STIP1: variants seen among roughly 807,000 people sequenced by gnomAD.
STIP1 encodes the protein stress induced phosphoprotein 1.
In STIP1, 16 loss-of-function variants were observed where a neutral mutation model predicts 77.4. The ratio of observed to expected loss-of-function variants is 0.21; its 90% CI spans 0.14 to 0.31. The LOEUF (loss-of-function observed/expected upper bound fraction) is 0.31, where lower values mean the gene tolerates loss of function less well. STIP1 is among the 10% of genes least tolerant of loss of function. The probability of loss-of-function intolerance (pLI) is 1.00; values close to 1 mark genes in which losing one functional copy is unlikely to be tolerated. For synonymous variants in STIP1, 258 were observed against 246.6 expected (o/e 1.05, Z -0.44); for missense variants, 524 against 684.8 (o/e 0.77, Z 2.62).
At chr11:64,198,063 T>TA in intron 8 of STIP1, 89 bp downstream of exon 8, 2 of 503,508 alleles carry the variant, frequency 4.0e-6, no homozygotes, top group South Asian at 1.2e-4. Flanking sequence ...TGAACTTGAC[T>TA]TTTTTTTTTT....
rs1347518346 is a variant in STIP1 at position 64,197,486 on chromosome 11, C to T, written c.800-7C>T. On this transcript the variant is annotated splice_region_variant and splice_polypyrimidine_tract_variant and intron_variant, in intron 6 of 13. Transcript: ENST00000305218. Reference sequence around the variant, plus strand: ...GACTGTTCCTTCTTAACCATCCTGCCTGGCAGCGGTATACTTTGAAAAGGG... The same window carrying T: ...GACTGTTCCTTCTTAACCATCCTGCTTGGCAGCGGTATACTTTGAAAAGGG... 1 of 1,614,108 alleles carries T rather than the reference C, an allele frequency of 6.2e-7. No homozygotes were observed. The highest frequency in any genetic ancestry group is 8.5e-7 in the Non-Finnish European group (1 of 1,180,032).
At chr11:64,191,225 G>A (rs1334808384) in intron 1 of STIP1, among the ~76,000 whole-genome samples, 1 of 150,746 alleles carries the variant, frequency 6.6e-6, no homozygotes, top group African/African-American at 2.4e-5. Flanking sequence ...CAGGAGGATT[G>A]CTTGAGCCCA....
At position 64,197,844 on chromosome 11, in the gene STIP1, T is replaced by G; in HGVS notation, c.903-10T>G. The G allele has an allele frequency of 1.9e-6, 3 of 1,611,006 alleles. No individual in the cohort carries two copies. The highest frequency in any genetic ancestry group is 2.5e-6 in the Non-Finnish European group (3 of 1,179,478). ...GTCCTAAGCAGTCCTTGTCCCTCTTTCTTTATCAGAGCATATGCTCGAATT... is the reference window on the plus strand; with the variant it reads ...GTCCTAAGCAGTCCTTGTCCCTCTTGCTTTATCAGAGCATATGCTCGAATT... On this transcript the variant is annotated splice_polypyrimidine_tract_variant and intron_variant, in intron 7 of 13. Transcript: ENST00000305218.
intron 1 of STIP1, among the ~76,000 whole-genome samples, chr11:64,192,676 C>T (rs1274800743): frequency 6.6e-6 from 1 of 152,226 alleles, no homozygotes; most frequent in Non-Finnish European, 1.5e-5. Context: ...CTCCGCCCAC[C>T]TTCTTCCTGT....
intron 7 of STIP1, 76 bp downstream of exon 7, chr11:64,197,671 G>T (rs1946165876): frequency 6.3e-7 from 1 of 1,579,228 alleles, no homozygotes; most frequent in Non-Finnish European, 8.7e-7. Context: ...TCTGCATGGG[G>T]AGGAGGGCTG....
In STIP1 at chr11:64,204,073, A is replaced by G. The variant is rs1946255033; in HGVS notation, c.1579A>G (p.Ile527Val). The change falls in exon 14 of 14, where the codon ATA (isoleucine) becomes GTA (valine). Residue 527 changes from isoleucine (I) to valine (V), a missense_variant. Physicochemically the swap from Ile to Val is conservative, Grantham distance 29 (BLOSUM62 3). Coordinates refer to ENST00000305218, the MANE Select transcript of STIP1 (RefSeq NM_006819.3). ...ALSEHLKNPVIAQKIQKLMDV... is the reference protein window; with the variant it reads ...ALSEHLKNPVVAQKIQKLMDV... ...CTGTAGACACTTAAAGAATCCTGTA[A>G]TAGCACAGAAGATCCAGAAGCTGAT... The G allele has an allele frequency of 1.2e-6, 2 of 1,614,066 alleles. No homozygotes were observed.
chr11:64,187,423 A>G (rs1946036161), intron 1 of STIP1, among the ~76,000 whole-genome samples: 1 of 152,102 alleles, frequency 6.6e-6, no homozygotes. Context: ...CTTCAGGGCC[A>G]TAAAACTAAG....
At chr11:64,189,709 T>TGG (rs1946069734) in intron 1 of STIP1, among the ~76,000 whole-genome samples, 1 of 152,244 alleles carries the variant, frequency 6.6e-6, no homozygotes, top group African/African-American at 2.4e-5. Context: ...TTGTCCCATT[T>TGG]GGTCTCTTAA....
At position 64,204,399 on chromosome 11, in the gene STIP1, C is replaced by T. The variant is rs1946260921; in HGVS notation, c.*273C>T. 2.2e-6 allele frequency: 1 copy of T among 458,996 alleles called. No homozygotes were observed. Among genetic ancestry groups the T allele is most frequent in the Non-Finnish European group, 3.8e-6 (1 of 260,470 alleles). The allele number at this position is 458,996 out of a possible 1,614,324, so 28.4% of individuals were successfully genotyped here. A position where few individuals can be genotyped will look rare whatever the true frequency, so the allele number is the denominator to read the frequency against. On this transcript the variant is annotated 3_prime_UTR_variant, in exon 14 of 14. Coordinates refer to ENST00000305218, the MANE Select transcript of STIP1 (RefSeq NM_006819.3). ...CCTAGTTGCTGTCTCGGCTGCTCTC[C>T]CATAGTTGGTTTTTTTTTTATTTGG...
chr11:64,197,092 G>C (rs763422066), intron 5 of STIP1, 179 bp from the exon 6 acceptor site: 1 of 773,914 alleles, frequency 1.3e-6, no homozygotes, highest in Non-Finnish European at 2.0e-6. Context: ...GATGAAGTTA[G>C]TTTTCATTCT....
chr11:64,200,183 G>T lies in STIP1; in HGVS notation c.1135G>T (p.Ala379Ser). 1 of 1,613,274 alleles carries T rather than the reference G, an allele frequency of 6.2e-7. No homozygotes were observed. The highest frequency in any genetic ancestry group is 8.5e-7 in the Non-Finnish European group (1 of 1,179,696). Residue 379 changes from alanine (A) to serine (S), a missense_variant, in exon 10 of 14, where the codon GCC becomes TCC. Coordinates refer to ENST00000305218, the MANE Select transcript of STIP1 (RefSeq NM_006819.3). ...TTCTTCCCCAGGGGACTATCCCCAG[G>T]CCATGAAGCATTATACAGAAGCCAT... ...ECFQKGDYPQ[A>S]MKHYTEAIKR... is the part of the protein sequence containing the mutation.
intron 13 of STIP1, 112 bp downstream of exon 13, chr11:64,203,734 C>A: frequency 7.2e-7 from 1 of 1,397,124 alleles, no homozygotes; most frequent in South Asian, 1.3e-5. Context: ...GGAATTCTGT[C>A]ATTCTTCCTA....
Position 64,203,445 on chromosome 11 carries a change from T to C in STIP1, c.1387-5T>C. ...CGCTTCACCTTTGTCTCTTCTGGAC[T>C]GCAGGAGGCGGCAGACGGCTACCAG... is the stretch of plus-strand genomic sequence containing the variant. On this transcript the variant is annotated splice_polypyrimidine_tract_variant and splice_region_variant and intron_variant, in intron 12 of 13. Coordinates refer to ENST00000305218, the MANE Select transcript of STIP1 (RefSeq NM_006819.3). 6.2e-7 allele frequency: 1 copy of C among 1,614,046 alleles called. No homozygotes were observed. The highest frequency in any genetic ancestry group is 8.5e-7 in the Non-Finnish European group (1 of 1,179,944).
chr11:64,200,244 A>G lies in STIP1; in HGVS notation c.1196A>G (p.Asn399Ser), dbSNP rs780822146. Residue 399 changes from asparagine to serine, a missense_variant, in exon 10 of 14, where the codon AAT becomes AGT. By Grantham distance (46) the Asn-to-Ser change is conservative. Transcript: ENST00000305218. ...CCGAAAGATGCCAAATTATACAGCA[A>G]TCGAGCTGCCTGCTACACCAAACTC... ...RNPKDAKLYS[N>S]RAACYTKLLE... The G allele has an allele frequency of 3.1e-6, 5 of 1,614,158 alleles. No individual in the cohort carries two copies. The highest frequency in any genetic ancestry group is 1.7e-5 in the Admixed American group (1 of 60,004).
intron 10 of STIP1, chr11:64,202,470 A>G (rs1301425449): frequency 1.3e-5 from 2 of 150,982 alleles, no homozygotes; most frequent in East Asian, 1.9e-4. Context: ...CTGGTGTCAA[A>G]CTCCTGACCT....
At chr11:64,199,124 C>T (rs1021899654) in intron 8 of STIP1, among the ~76,000 whole-genome samples, 2 of 151,332 alleles carry the variant, frequency 1.3e-5, no homozygotes, top group East Asian at 2.0e-4. Flanking sequence ...CGCTTGAACT[C>T]AGTGGGGCGG....
At chr11:64,185,489 G>A (rs1945998968), upstream of STIP1, 1 of 346,318 alleles carries the variant, frequency 2.9e-6, no homozygotes, top group South Asian at 3.3e-5. Context: ...CCGGAGCGCT[G>A]GACAACGCGG....
At chr11:64,204,019 T>G (rs949656258) in intron 13 of STIP1, 35 bp from the exon 14 acceptor site, 4 of 1,605,760 alleles carry the variant, frequency 2.5e-6, no homozygotes, top group African/African-American at 1.3e-5. Context: ...CTTTAAAGGT[T>G]GTCTCATTTC....
intron 8 of STIP1, among the ~76,000 whole-genome samples, chr11:64,198,465 C>A (rs1591012416): frequency 6.6e-6 from 1 of 152,202 alleles, no homozygotes; most frequent in East Asian, 1.9e-4. Context: ...CCCACCTCAA[C>A]CTCCCAAAGT....
Sources: gnomAD v4.1 joint callset for allele counts (sites outside exome capture counted in the v4.1 genomes callset) on GRCh38, gnomAD v4.1.1 for gene constraint, MANE v1.5 for transcripts, NCBI Gene and HGNC (gene_info 2026-07-23, HGNC 2026-07-21) for gene names.